Variants in PCDH15 observed in about 807,000 individuals in gnomAD.
PCDH15 encodes protocadherin related 15.
A neutral mutation model predicts 178.5 loss-of-function variants in PCDH15; 129 were observed. That is an observed-to-expected ratio of 0.72 (90% CI 0.63 to 0.84). The LOEUF (loss-of-function observed/expected upper bound fraction) is 0.84, where lower values mean the gene tolerates loss of function less well. PCDH15 is among the 40% of genes least tolerant of loss of function. PCDH15 has a pLI of 0.00. For synonymous variants in PCDH15, 800 were observed against 732.0 expected, an observed-to-expected ratio of 1.09 and a Z score of -1.50; for missense variants, 2,230 against 2,099.9, an observed-to-expected ratio of 1.06 and a Z score of -1.21.
chr10:53,965,695 G>C (rs1423301541), intron 21 of PCDH15, among the ~76,000 whole-genome samples: 1 of 152,172 alleles, frequency 6.6e-6, no homozygotes, highest in Non-Finnish European at 1.5e-5. Context: ...AATGATGAAA[G>C]AGGATAATTA....
At chr10:55,167,546 G>A (rs1292116363) in intron 1 of PCDH15, among the ~76,000 whole-genome samples, 2 of 152,112 alleles carry the variant, frequency 1.3e-5, no homozygotes, top group East Asian at 1.9e-4. Flanking sequence ...TTATGATGAT[G>A]TAATATAAAA....
intron 2 of PCDH15, among the ~76,000 whole-genome samples, chr10:54,635,117 G>GAT: frequency 6.6e-6 from 1 of 150,486 alleles, no homozygotes; most frequent in Admixed American, 6.7e-5. Context: ...ATGCCTACGT[G>GAT]ATATATAGTT....
At chr10:55,219,873 A>G (rs920430885) in intron 1 of PCDH15, among the ~76,000 whole-genome samples, 2 of 121,072 alleles carry the variant, frequency 1.7e-5, no homozygotes, top group Non-Finnish European at 3.4e-5. Flanking sequence ...AGCGATCCTG[A>G]TATCAGTCAC....
At position 54,828,506 on chromosome 10, in the gene PCDH15, T is replaced by C. The variant is rs201409594; in HGVS notation, c.-29+68944A>G. ...ATGTATGTGTATGTGTATGTGTATG[T>C]GTGTGTATATTTTTTCTCCCAGGAA... On this transcript the variant is annotated intron_variant, in intron 3 of 5. Transcript: ENST00000458638. Among the ~76,000 whole-genome samples, 62 of 152,006 alleles carry C rather than the reference T, an allele frequency of 4.1e-4. No homozygotes were observed. The East Asian group carries it at 4.4e-3, about 11-fold the overall frequency.
At chr10:55,490,561 T>C (rs1310251320) in intron 2 of PCDH15, among the ~76,000 whole-genome samples, 1 of 151,818 alleles carries the variant, frequency 6.6e-6, no homozygotes, top group Admixed American at 6.6e-5. Context: ...GAGCCACATA[T>C]TTGTAGTGGA....
At chr10:53,967,446 T>A (rs919189709) in intron 21 of PCDH15, among the ~76,000 whole-genome samples, 2 of 152,188 alleles carry the variant, frequency 1.3e-5, no homozygotes, top group African/African-American at 4.8e-5. Flanking sequence ...TTATTTTTAA[T>A]TATTTGTAGA....
intron 1 of PCDH15, among the ~76,000 whole-genome samples, chr10:55,298,593 A>T (rs867823848): frequency 1.3e-4 from 20 of 148,546 alleles, no homozygotes; most frequent in East Asian, 3.9e-4. Context: ...TTATTTATTT[A>T]TTTTTTTTTT....
At chr10:55,123,729 A>G (rs1837829846) in intron 2 of PCDH15, among the ~76,000 whole-genome samples, 1 of 152,172 alleles carries the variant, frequency 6.6e-6, no homozygotes, top group African/African-American at 2.4e-5. Context: ...AGAAACACAT[A>G]TGGAACTATA....
chr10:55,368,972 T>C (rs1212846723), intron 2 of PCDH15, among the ~76,000 whole-genome samples: 1 of 144,130 alleles, frequency 6.9e-6, no homozygotes, highest in African/African-American at 2.6e-5. Context: ...TTATTACTTA[T>C]TATGCAGCTT....
intron 8 of PCDH15, among the ~76,000 whole-genome samples, chr10:54,276,282 A>G (rs1343746081): frequency 6.6e-6 from 1 of 151,750 alleles, no homozygotes; most frequent in Non-Finnish European, 1.5e-5. Context: ...TAAATAAGAA[A>G]GCAATACATC....
chr10:54,613,586 A>G (rs2093035271), intron 2 of PCDH15, among the ~76,000 whole-genome samples: 1 of 151,750 alleles, frequency 6.6e-6, no homozygotes, highest in South Asian at 2.1e-4. Context: ...AATGTAGAGT[A>G]GGGTCTCTGA....
chr10:54,494,501 A>T (rs1010939428), intron 3 of PCDH15, among the ~76,000 whole-genome samples: 2 of 152,226 alleles, frequency 1.3e-5, no homozygotes, highest in South Asian at 4.1e-4. Context: ...CCACATCTCT[A>T]AACTTTGACC....
At chr10:54,697,244 T>C (rs1169584010) in intron 1 of PCDH15, among the ~76,000 whole-genome samples, 2 of 152,122 alleles carry the variant, frequency 1.3e-5, no homozygotes, top group African/African-American at 4.8e-5. Flanking sequence ...TAACTTGTTT[T>C]AGCTTATATA....
At chr10:55,038,159 A>G (rs979672582) in intron 2 of PCDH15, among the ~76,000 whole-genome samples, 1 of 152,160 alleles carries the variant, frequency 6.6e-6, no homozygotes, top group Non-Finnish European at 1.5e-5. Flanking sequence ...TATGTACCAT[A>G]TTTATCTATA....
At chr10:54,981,728 G>A (rs75158823) in intron 2 of PCDH15, among the ~76,000 whole-genome samples, 6,551 of 152,060 alleles carry the variant, frequency 0.043, 485 homozygotes, top group African/African-American at 0.15. Flanking sequence ...AAGCTTCAGA[G>A]TTTGTTTGTT....
intron 1 of PCDH15, among the ~76,000 whole-genome samples, chr10:54,687,460 A>C (rs1034727088): frequency 2.0e-5 from 3 of 152,112 alleles, no homozygotes; most frequent in Non-Finnish European, 4.4e-5. Flanking sequence ...TACATATATA[A>C]TATATACTGA....
chr10:54,075,903 T>C (rs541065394), intron 17 of PCDH15, among the ~76,000 whole-genome samples: 1 of 152,176 alleles, frequency 6.6e-6, no homozygotes, highest in Non-Finnish European at 1.5e-5. Context: ...CTTTGTTATT[T>C]ATTTTTCTTT....
intron 18 of PCDH15, among the ~76,000 whole-genome samples, chr10:54,057,012 C>A (rs2093906439): frequency 6.6e-6 from 1 of 152,160 alleles, no homozygotes; most frequent in Non-Finnish European, 1.5e-5. Flanking sequence ...GTGTCACATC[C>A]AGGTCATGCT....
chr10:54,595,636 G>A (rs2092189622), intron 2 of PCDH15, among the ~76,000 whole-genome samples: 1 of 152,136 alleles, frequency 6.6e-6, no homozygotes, highest in African/African-American at 2.4e-5. Context: ...TCAGATTATG[G>A]ATAGGAATAA....
Sources: allele counts gnomAD v4.1 joint callset (sites outside exome capture counted in the v4.1 genomes callset), GRCh38; gene constraint gnomAD v4.1.1; transcripts MANE v1.5; gene names NCBI Gene and HGNC (gene_info 2026-07-23, HGNC 2026-07-21).